GTF2F2: variants seen among roughly 807,000 people sequenced by gnomAD.
The protein encoded by GTF2F2 is ATP-dependent helicase GTF2F2.
In GTF2F2, 23 loss-of-function variants were observed where a neutral mutation model predicts 42.2. The observed-to-expected ratio is 0.55, with a 90% CI of 0.39 to 0.77. The LOEUF (loss-of-function observed/expected upper bound fraction) is 0.77, where lower values mean the gene tolerates loss of function less well. Ranked by LOEUF, GTF2F2 falls within the 30% of genes least tolerant of loss-of-function variation. The pLI, the probability that GTF2F2 is intolerant of heterozygous loss-of-function variation, is 0.00. For missense variants in GTF2F2, 261 were observed against 287.2 expected (o/e 0.91, Z 0.66); for synonymous variants, 105 against 100.8 (o/e 1.04, Z -0.25).
chr13:45,235,462 G>T (rs1019528992), intron 5 of GTF2F2, among the ~76,000 whole-genome samples: 2 of 151,834 alleles, frequency 1.3e-5, no homozygotes, highest in Non-Finnish European at 2.9e-5. Context: ...CATATGTAGT[G>T]GGAGGCACTT....
chr13:45,174,609 T>G (rs1871770743), intron 4 of GTF2F2, among the ~76,000 whole-genome samples: 1 of 151,568 alleles, frequency 6.6e-6, no homozygotes, highest in Non-Finnish European at 1.5e-5. Context: ...GTATGAGTTT[T>G]TCATGGAGCA....
At chr13:45,232,620 C>T (rs972467801) in intron 5 of GTF2F2, among the ~76,000 whole-genome samples, 11 of 152,014 alleles carry the variant, frequency 7.2e-5, no homozygotes, top group Non-Finnish European at 1.5e-5. Flanking sequence ...GGGTGACGAG[C>T]AAGACCCTGT....
chr13:45,216,315 T>G (rs1873886343), intron 5 of GTF2F2, among the ~76,000 whole-genome samples: 1 of 152,182 alleles, frequency 6.6e-6, no homozygotes, highest in Admixed American at 6.5e-5. Flanking sequence ...TATTTTCACT[T>G]TAAGATAGGG....
chr13:45,173,203 A>C (rs1180578422), intron 4 of GTF2F2, among the ~76,000 whole-genome samples: 3 of 152,148 alleles, frequency 2.0e-5, no homozygotes, highest in Admixed American at 1.3e-4. Context: ...GTAGATTCAC[A>C]TGTAGTTGTA....
intron 5 of GTF2F2, among the ~76,000 whole-genome samples, chr13:45,214,113 T>C (rs893847288): frequency 3.3e-5 from 5 of 152,128 alleles, no homozygotes; most frequent in African/African-American, 1.2e-4. Context: ...TAAATGACTA[T>C]CACAAAGTGT....
chr13:45,222,221 G>A (rs1341222665), intron 5 of GTF2F2, among the ~76,000 whole-genome samples: 2 of 152,068 alleles, frequency 1.3e-5, no homozygotes, highest in Admixed American at 6.6e-5. Context: ...TTCATTGCAC[G>A]AATGAATGTT....
chr13:45,257,620 A>T lies in GTF2F2; in HGVS notation c.486+4650A>T, dbSNP rs116735310. 6.3e-3 allele frequency among the ~76,000 whole-genome samples: 966 copies of T among 152,314 alleles called. 11 individuals are homozygous for T. Among genetic ancestry groups the T allele is most frequent in the African/African-American group, 0.022 (924 of 41,568 alleles). On this transcript the variant is annotated intron_variant, in intron 6 of 7. Transcript: ENST00000340473. ...GAAGTAGTGAAAACAGACATTGGGA[A>T]ATAATGGAGATGTCAAAGTATGGTT...
At chr13:45,131,894 T>C (rs559443359) in intron 1 of GTF2F2, among the ~76,000 whole-genome samples, 76 of 94,416 alleles carry the variant, frequency 8.0e-4, no homozygotes, top group Non-Finnish European at 1.2e-3. Flanking sequence ...TGAGACCCTG[T>C]CTCAAAAAAA....
At chr13:45,136,602 A>C (rs1869635434) in intron 1 of GTF2F2, 131 bp from the exon 2 acceptor site, 1 of 569,468 alleles carries the variant, frequency 1.8e-6, no homozygotes, top group Admixed American at 3.4e-5. Context: ...TATAGTGTAA[A>C]ACATACAGTA....
intron 6 of GTF2F2, among the ~76,000 whole-genome samples, chr13:45,259,891 A>G (rs1344268352): frequency 6.6e-6 from 1 of 152,032 alleles, no homozygotes; most frequent in Admixed American, 6.5e-5. Context: ...CGCCTGGCCA[A>G]ACCTAGAACT....
chr13:45,265,590 T>G (rs1321923143), intron 6 of GTF2F2, among the ~76,000 whole-genome samples: 1 of 152,204 alleles, frequency 6.6e-6, no homozygotes, highest in African/African-American at 2.4e-5. Context: ...CCTTTCCCTT[T>G]GTCTCACTCC....
In GTF2F2 at chr13:45,149,764, C is replaced by CT; in HGVS notation, c.141-3dup. 6.6e-7 allele frequency: 1 copy of CT among 1,510,886 alleles called. No homozygotes were observed. The highest frequency in any genetic ancestry group is 8.9e-7 in the Non-Finnish European group (1 of 1,123,226). 93.6% of individuals were successfully genotyped at this position (1,510,886 alleles called of 1,614,324 possible). On this transcript the variant is annotated splice_region_variant and splice_polypyrimidine_tract_variant and intron_variant, in intron 2 of 7. Transcript: ENST00000340473. ...TATTTTAAATATTTCTTTTCCTCTCCTTTAGGACTCAAGGAAGGACTGAGG... is the reference window on the plus strand; with the variant it reads ...TATTTTAAATATTTCTTTTCCTCTCCTTTTAGGACTCAAGGAAGGACTGAGG...
chr13:45,238,523 C>G (rs1241951648), intron 5 of GTF2F2, among the ~76,000 whole-genome samples: 1 of 152,178 alleles, frequency 6.6e-6, no homozygotes, highest in Non-Finnish European at 1.5e-5. Context: ...CCTCCCCTCC[C>G]TCTTCCCACT....
At chr13:45,271,939 T>TGAA (rs1876811973) in intron 7 of GTF2F2, among the ~76,000 whole-genome samples, 1 of 152,172 alleles carries the variant, frequency 6.6e-6, no homozygotes, top group Non-Finnish European at 1.5e-5. Flanking sequence ...TTTTAATGTT[T>TGAA]GAAGCTTATT....
chr13:45,232,702 T>C (rs1460330513), intron 5 of GTF2F2, among the ~76,000 whole-genome samples: 1 of 152,228 alleles, frequency 6.6e-6, no homozygotes, highest in Non-Finnish European at 1.5e-5. Context: ...CTGTAATTTC[T>C]GTTAGGTCAG....
chr13:45,164,506 G>A (rs1011629539), intron 4 of GTF2F2, among the ~76,000 whole-genome samples: 1 of 152,230 alleles, frequency 6.6e-6, no homozygotes, highest in Non-Finnish European at 1.5e-5. Flanking sequence ...GCCAGGGTGA[G>A]TGGACTGCTT....
intron 4 of GTF2F2, among the ~76,000 whole-genome samples, chr13:45,170,709 A>T (rs1020570533): frequency 3.3e-5 from 5 of 152,260 alleles, no homozygotes; most frequent in Non-Finnish European, 5.9e-5. Flanking sequence ...TAGGGGCTGC[A>T]GTCAGAGAAA....
rs1216093987 is a variant in GTF2F2, at chr13:45,128,054, G to A, written c.66+7333G>A. Among the ~76,000 whole-genome samples, 21 of 137,804 alleles carry A rather than the reference G, an allele frequency of 1.5e-4. 1 individual carries two copies. Among genetic ancestry groups the A allele is most frequent in the Admixed American group, 7.7e-5 (1 of 13,034 alleles). The allele number at this position is 137,804 out of a possible 152,430, so 90.4% of individuals were successfully genotyped here. A position where few individuals can be genotyped will look rare whatever the true frequency, so the allele number is the denominator to read the frequency against. ...CGACTCACTGCAAGCTCTGCCTCCC[G>A]GATTCACGCCATTCTTCTGCCTCAG... On this transcript the variant is annotated intron_variant, in intron 1 of 7. Transcript: ENST00000340473.
intron 5 of GTF2F2, among the ~76,000 whole-genome samples, chr13:45,248,030 A>G (rs983525630): frequency 1.3e-5 from 2 of 151,946 alleles, no homozygotes; most frequent in Non-Finnish European, 2.9e-5. Context: ...TTTTTAATAG[A>G]AACGGGGTTT....
Sources: gnomAD v4.1 joint callset for allele counts (sites outside exome capture counted in the v4.1 genomes callset) on GRCh38, gnomAD v4.1.1 for gene constraint, MANE v1.5 for transcripts, NCBI Gene and HGNC (gene_info 2026-07-23, HGNC 2026-07-21) for gene names.